Variants in DMRT1 observed in about 807,000 individuals in gnomAD.
DMRT1 encodes doublesex- and mab-3-related transcription factor 1.
In DMRT1, 7 loss-of-function variants were observed where a neutral mutation model predicts 32.3. The observed-to-expected ratio is 0.22, with a 90% CI of 0.12 to 0.41. The LOEUF is 0.41. Ranked by LOEUF, DMRT1 falls within the 10% of genes least tolerant of loss-of-function variation. The pLI, the probability that DMRT1 is intolerant of heterozygous loss-of-function variation, is 1.00. For synonymous variants in DMRT1, 278 were observed against 206.1 expected (o/e 1.35, Z -2.99); for missense variants, 625 against 500.5 (o/e 1.25, Z -2.37).
At position 841,958 on chromosome 9, in the gene DMRT1, G is replaced by C; in HGVS notation, c.120G>C (p.Gly40=). 1.3e-6 allele frequency: 2 copies of C among 1,593,950 alleles called. No individual in the cohort carries two copies. The highest frequency in any genetic ancestry group is 1.1e-5 in the South Asian group (1 of 88,868). Residue 40 remains glycine (G), a synonymous_variant, in exon 1 of 5, where the codon GGG becomes GGC. Transcript: ENST00000382276. ...GCAAAGCGTCTGGGGCGCTAGTGGG[G>C]GCGGCCAGCGGCTCGAGCGCCGGGG... ...GFGKASGALV[G]AASGSSAGGS... is the part of the protein sequence containing the mutation.
chr9:889,073 A>G (rs1019368550), intron 2 of DMRT1, among the ~76,000 whole-genome samples: 3 of 152,004 alleles, frequency 2.0e-5, no homozygotes, highest in South Asian at 2.1e-4. Flanking sequence ...AAGAATTTGC[A>G]TTTCTTTACG....
intron 4 of DMRT1, among the ~76,000 whole-genome samples, chr9:931,088 CT>C (rs1818710999): frequency 6.6e-6 from 1 of 152,150 alleles, no homozygotes; most frequent in Non-Finnish European, 1.5e-5. Context: ...CTGTTCTGGA[CT>C]TTTTGTATAA....
At chr9:874,148 C>G (rs187190952) in intron 2 of DMRT1, among the ~76,000 whole-genome samples, 8 of 152,338 alleles carry the variant, frequency 5.3e-5, no homozygotes, top group Admixed American at 5.2e-4. Context: ...CTTTTCTCCT[C>G]ATGTGTATGA....
At chr9:911,754 A>G (rs1817998460) in intron 3 of DMRT1, among the ~76,000 whole-genome samples, 1 of 151,970 alleles carries the variant, frequency 6.6e-6, no homozygotes, top group Admixed American at 6.6e-5. Context: ...AGCCTTCCAA[A>G]ATGTTGGGAC....
chr9:884,832 C>T (rs1434783471), intron 2 of DMRT1, among the ~76,000 whole-genome samples: 4 of 151,940 alleles, frequency 2.6e-5, no homozygotes, highest in African/African-American at 7.3e-5. Flanking sequence ...TAGCCAGGCA[C>T]GGTGGTGCGC....
chr9:879,995 T>C (rs1416769474), intron 2 of DMRT1, among the ~76,000 whole-genome samples: 1 of 152,222 alleles, frequency 6.6e-6, no homozygotes, highest in Non-Finnish European at 1.5e-5. Context: ...TGGGGGGCCA[T>C]AAATTTTCTA....
chr9:957,310 CT>C (rs1819631697), intron 4 of DMRT1, among the ~76,000 whole-genome samples: 1 of 152,208 alleles, frequency 6.6e-6, no homozygotes, highest in Non-Finnish European at 1.5e-5. Context: ...CAGACTAAAC[CT>C]CTTTAGGGTT....
chr9:876,668 T>C (rs72699246), intron 2 of DMRT1, among the ~76,000 whole-genome samples: 3,334 of 152,052 alleles, frequency 0.022, 89 homozygotes, highest in African/African-American at 0.065. Flanking sequence ...AGTAGCTGGG[T>C]CTATAGGCTC....
intron 3 of DMRT1, among the ~76,000 whole-genome samples, chr9:912,526 T>G (rs1818025577): frequency 6.6e-6 from 1 of 152,204 alleles, no homozygotes; most frequent in Admixed American, 6.5e-5. Context: ...GGAAAAGGAA[T>G]TAAGGGAATA....
At position 842,093 on chromosome 9, in the gene DMRT1, C is replaced by T; in HGVS notation, c.255C>T (p.Ala85=). Reference sequence around the variant, plus strand: ...CACGCTGCAGGAACCACGGCTACGCCTCGCCGCTCAAGGGCCACAAGCGCT... The same window carrying T: ...CACGCTGCAGGAACCACGGCTACGCTTCGCCGCTCAAGGGCCACAAGCGCT... The part of the protein sequence containing the change: ...KCARCRNHGY[A]SPLKGHKRFC... The change falls in exon 1 of 5, where the codon GCC becomes GCT. Residue 85 remains alanine (A), a synonymous_variant. Transcript: ENST00000382276. 2 of 1,546,782 alleles carry T rather than the reference C, an allele frequency of 1.3e-6. No homozygotes were observed. Among genetic ancestry groups the T allele is most frequent in the Non-Finnish European group, 1.7e-6 (2 of 1,150,194 alleles).
intron 2 of DMRT1, among the ~76,000 whole-genome samples, chr9:856,019 C>A (rs146145962): frequency 1.4e-4 from 22 of 152,152 alleles, no homozygotes; most frequent in Middle Eastern, 3.4e-3. Context: ...CAGGTTCAAG[C>A]GATTCTCCTG....
intron 2 of DMRT1, among the ~76,000 whole-genome samples, chr9:852,756 G>T (rs1413104410): frequency 6.6e-6 from 1 of 152,094 alleles, no homozygotes; most frequent in Non-Finnish European, 1.5e-5. Context: ...ACCACCTCGG[G>T]CCCCCCTGGG....
chr9:858,308 C>A (rs1815491230), intron 2 of DMRT1, among the ~76,000 whole-genome samples: 1 of 152,016 alleles, frequency 6.6e-6, no homozygotes, highest in African/African-American at 2.4e-5. Flanking sequence ...TATTGTGCTG[C>A]CTTACGCTTG....
In DMRT1 at chr9:847,085, T is replaced by G. The variant is rs1197548288; in HGVS notation, c.480T>G (p.Thr160=). 1 of 1,613,742 alleles carries G rather than the reference T, an allele frequency of 6.2e-7. No homozygotes were observed. Among genetic ancestry groups the G allele is most frequent in the Non-Finnish European group, 8.5e-7 (1 of 1,180,034 alleles). ...ENNGSNPCLM[T]ECSGTSQPPP... The stretch of plus-strand genomic sequence containing the variant: ...ATGGCAGTAACCCGTGCCTCATGAC[T>G]GAGTGCAGTGGCACCTCTCAGCCAC... Residue 160 remains threonine (T), a synonymous_variant, in exon 2 of 5, where the codon ACT becomes ACG. Coordinates refer to ENST00000382276, the MANE Select transcript of DMRT1 (RefSeq NM_021951.3).
At position 841,831 on chromosome 9, in the gene DMRT1, G is replaced by C. The variant is rs748025621; in HGVS notation, c.-8G>C. The C allele has an allele frequency of 1.2e-6, 2 of 1,607,766 alleles. No individual in the cohort carries two copies. Among genetic ancestry groups the C allele is most frequent in the Admixed American group, 1.7e-5 (1 of 59,306 alleles). On this transcript the variant is annotated 5_prime_UTR_variant, in exon 1 of 5. Coordinates refer to ENST00000382276, the MANE Select transcript of DMRT1 (RefSeq NM_021951.3). Reference sequence around the variant, plus strand: ...GGCCAGAGTGCTCGCACTTCTCCTAGGGGCACCATGCCCAACGACGAGGCA... The same window carrying C: ...GGCCAGAGTGCTCGCACTTCTCCTACGGGCACCATGCCCAACGACGAGGCA...
At chr9:900,905 C>G (rs1817547891) in intron 3 of DMRT1, among the ~76,000 whole-genome samples, 1 of 151,852 alleles carries the variant, frequency 6.6e-6, no homozygotes, top group Non-Finnish European at 1.5e-5. Context: ...GGTGCCGAGG[C>G]TGGTCTTAAA....
chr9:876,804 T>G (rs1444121011), intron 2 of DMRT1, among the ~76,000 whole-genome samples: 1 of 152,188 alleles, frequency 6.6e-6, no homozygotes, highest in East Asian at 1.9e-4. Flanking sequence ...GTGCTGAGAT[T>G]ACAGGCATGA....
At chr9:848,928 G>A (rs1438574368) in intron 2 of DMRT1, among the ~76,000 whole-genome samples, 2 of 27,402 alleles carry the variant, frequency 7.3e-5, no homozygotes, top group Non-Finnish European at 1.3e-4. Flanking sequence ...TTTAAGATGT[G>A]TCAAAGGTTT....
At position 892,379 on chromosome 9, in the gene DMRT1, C is replaced by A. The variant is rs533133134; in HGVS notation, c.539-1533C>A. On this transcript the variant is annotated intron_variant, in intron 2 of 4. Coordinates refer to ENST00000382276, the MANE Select transcript of DMRT1 (RefSeq NM_021951.3). Reference sequence around the variant, plus strand: ...AGTCTCAGCCTCTCCCAAAAGCACGCGTTTCATGTTCCTCACCCTCACCCA... The same window carrying A: ...AGTCTCAGCCTCTCCCAAAAGCACGAGTTTCATGTTCCTCACCCTCACCCA... Among the ~76,000 whole-genome samples the A allele has an allele frequency of 3.9e-5, 6 of 152,192 alleles. No individual in the cohort carries two copies. The South Asian group carries it at 8.3e-4, about 21-fold the overall frequency.
Sources: allele counts gnomAD v4.1 joint callset (sites outside exome capture counted in the v4.1 genomes callset), GRCh38; gene constraint gnomAD v4.1.1; transcripts MANE v1.5; gene names NCBI Gene and HGNC (gene_info 2026-07-23, HGNC 2026-07-21).